Variants in DMBX1 observed in about 807,000 individuals in gnomAD.
DMBX1 encodes the protein diencephalon/mesencephalon homeobox protein 1.
In DMBX1, 7 loss-of-function variants were observed where a neutral mutation model predicts 30.4. The observed-to-expected ratio is 0.23, with a 90% CI of 0.13 to 0.43. The LOEUF is 0.43. Ranked by LOEUF, DMBX1 falls within the 20% of genes least tolerant of loss-of-function variation. The pLI, the probability that DMBX1 is intolerant of heterozygous loss-of-function variation, is 1.00. For synonymous variants in DMBX1, 222 were observed against 214.2 expected, an observed-to-expected ratio of 1.04 and a Z score of -0.32; for missense variants, 460 against 508.5, an observed-to-expected ratio of 0.90 and a Z score of 0.92.
chr1:46,496,256 G>T (rs1267759186), intron 2 of DMBX1, among the ~76,000 whole-genome samples: 1 of 152,188 alleles, frequency 6.6e-6, no homozygotes, highest in Non-Finnish European at 1.5e-5. Flanking sequence ...TGTCAAGCTT[G>T]CTCTCAAACT....
At chr1:46,507,445 A>C (rs1666262980) in intron 3 of DMBX1, among the ~76,000 whole-genome samples, 1 of 152,232 alleles carries the variant, frequency 6.6e-6, no homozygotes, top group Non-Finnish European at 1.5e-5. Flanking sequence ...CCTATCTCAC[A>C]GATGAAGAAA....
chr1:46,499,999 T>C (rs1370970464), intron 2 of DMBX1, among the ~76,000 whole-genome samples: 2 of 152,236 alleles, frequency 1.3e-5, no homozygotes, highest in Non-Finnish European at 2.9e-5. Flanking sequence ...CAGAGGCGAC[T>C]TGGGGAAGGC....
chr1:46,514,212 CAA>C lies in DMBX1; in HGVS notation c.*1733_*1734del, dbSNP rs35003663. 11 of 96,608 alleles carry C rather than the reference CAA, an allele frequency of 1.1e-4. No homozygotes were observed. Among genetic ancestry groups the C allele is most frequent in the South Asian group, 2.8e-4 (1 of 3,568 alleles). 6.0% of individuals were successfully genotyped at this position (96,608 alleles called of 1,614,324 possible). On this transcript the variant is annotated 3_prime_UTR_variant, in exon 6 of 6. Transcript: ENST00000360032. Reference sequence around the variant, plus strand: ...TGGGCGACGGAGTGAGACTCCATCTCAAAAAAAAAAAAAAAATAAATAAAAGC... The same window carrying C: ...TGGGCGACGGAGTGAGACTCCATCTCAAAAAAAAAAAAAATAAATAAAAGC...
intron 3 of DMBX1, among the ~76,000 whole-genome samples, chr1:46,509,245 T>C (rs191980377): frequency 1.6e-4 from 24 of 152,248 alleles, no homozygotes; most frequent in Admixed American, 1.5e-3. Flanking sequence ...GCTAATTTTT[T>C]GTATTTTTAG....
At chr1:46,501,423 G>A (rs569368352) in intron 2 of DMBX1, among the ~76,000 whole-genome samples, 11 of 151,856 alleles carry the variant, frequency 7.2e-5, no homozygotes, top group Admixed American at 6.6e-4. Context: ...TGGGATTACA[G>A]GTGTGGGTCA....
At chr1:46,502,442 C>A (rs530353873) in intron 2 of DMBX1, among the ~76,000 whole-genome samples, 1 of 152,006 alleles carries the variant, frequency 6.6e-6, no homozygotes, top group East Asian at 1.9e-4. Context: ...ATACCAGAAT[C>A]TGACCATTTT....
At chr1:46,501,339 G>A (rs1205952307) in intron 2 of DMBX1, among the ~76,000 whole-genome samples, 1 of 149,604 alleles carries the variant, frequency 6.7e-6, no homozygotes, top group African/African-American at 2.5e-5. Flanking sequence ...GGAGTGCAGT[G>A]ACATGATCTC....
chr1:46,492,722 TAG>T (rs34480370), intron 2 of DMBX1, among the ~76,000 whole-genome samples: 25,833 of 151,994 alleles, frequency 0.17, 2,535 homozygotes, highest in South Asian at 0.27. Context: ...ACTCCTGGGT[TAG>T]AGTCACCTGG....
At chr1:46,503,073 C>A (rs1440665556) in intron 2 of DMBX1, among the ~76,000 whole-genome samples, 1 of 152,224 alleles carries the variant, frequency 6.6e-6, no homozygotes, top group African/African-American at 2.4e-5. Flanking sequence ...AACCTTACCT[C>A]CTTCACCTGC....
intron 2 of DMBX1, among the ~76,000 whole-genome samples, chr1:46,495,006 G>A (rs769305966): frequency 3.4e-4 from 52 of 152,194 alleles, no homozygotes; most frequent in Non-Finnish European, 7.2e-4. Context: ...TCTGTGACAA[G>A]GTCAGGGTCA....
chr1:46,494,087 G>T (rs532910234), intron 2 of DMBX1, among the ~76,000 whole-genome samples: 152 of 152,320 alleles, frequency 1.0e-3, no homozygotes, highest in African/African-American at 3.6e-3. Context: ...AAGTCTCCTC[G>T]ATCTCCAGTG....
rs764711059 is a variant in DMBX1, at chr1:46,511,192, C to A, written c.591C>A (p.Asp197Glu). 1.2e-6 allele frequency: 2 copies of A among 1,613,612 alleles called. No individual in the cohort carries two copies. The highest frequency in any genetic ancestry group is 1.7e-6 in the Non-Finnish European group (2 of 1,179,956). Reference sequence around the variant, plus strand: ...AGGATCAGCCGGACCGTGAGGAGGACCCCAGGGCAGGGGCTGAGGACCCCA... The same window carrying A: ...AGGATCAGCCGGACCGTGAGGAGGAACCCAGGGCAGGGGCTGAGGACCCCA... Reference protein sequence around the residue: ...APEDQPDREEDPRAGAEDPKA... With the variant: ...APEDQPDREEEPRAGAEDPKA... The change falls in exon 5 of 6, where the codon GAC becomes GAA. Residue 197 changes from aspartate (D) to glutamate (E), a missense_variant. Asp to Glu is a conservative substitution (Grantham distance 45). Transcript: ENST00000360032.
At chr1:46,499,530 T>A (rs1444031188) in intron 2 of DMBX1, among the ~76,000 whole-genome samples, 2 of 152,254 alleles carry the variant, frequency 1.3e-5, no homozygotes, top group East Asian at 3.8e-4. Flanking sequence ...TTATCCAATC[T>A]TTCTTGCCTT....
At position 46,515,982 on chromosome 1, in the gene DMBX1, C is replaced by T. The variant is rs930963792; in HGVS notation, c.*3488C>T. Among the ~76,000 whole-genome samples the T allele has an allele frequency of 7.9e-5, 12 of 152,202 alleles. No homozygotes were observed. The highest frequency in any genetic ancestry group is 6.5e-5 in the Admixed American group (1 of 15,288). Reference sequence around the variant, plus strand: ...GCTTTCCAAACCAGCTGTTTTGTGACCATTTGTGCTTAGAGGTCGTGCCAG... The same window carrying T: ...GCTTTCCAAACCAGCTGTTTTGTGATCATTTGTGCTTAGAGGTCGTGCCAG... On this transcript the variant is annotated 3_prime_UTR_variant, in exon 6 of 6. Coordinates refer to ENST00000360032, the MANE Select transcript of DMBX1 (RefSeq NM_172225.2).
intron 2 of DMBX1, among the ~76,000 whole-genome samples, chr1:46,495,409 C>A (rs2148481567): frequency 6.6e-6 from 1 of 152,314 alleles, no homozygotes; most frequent in South Asian, 2.1e-4. Context: ...TCGATTCCAT[C>A]CCGGCTAAGC....
At chr1:46,505,055 A>T (rs1666205332) in intron 2 of DMBX1, among the ~76,000 whole-genome samples, 2 of 151,342 alleles carry the variant, frequency 1.3e-5, no homozygotes, top group East Asian at 3.9e-4. Flanking sequence ...ATGAGATACC[A>T]TCTCACACCA....
At position 46,495,308 on chromosome 1, in the gene DMBX1, C is replaced by T. The variant is rs567081008; in HGVS notation, c.-13+4525C>T. Among the ~76,000 whole-genome samples, 12 of 152,288 alleles carry T rather than the reference C, an allele frequency of 7.9e-5. No homozygotes were observed. The South Asian group carries it at 2.5e-3, about 32-fold the overall frequency. ...ATGTCCCTTGCTCTGGGCACTGGGT[C>T]CTGAGTACTAGCTGGGGAAGCAGAC... On this transcript the variant is annotated intron_variant, in intron 2 of 5. Transcript: ENST00000360032.
At chr1:46,492,759 A>G (rs1665953246) in intron 2 of DMBX1, among the ~76,000 whole-genome samples, 1 of 152,128 alleles carries the variant, frequency 6.6e-6, no homozygotes, top group South Asian at 2.1e-4. Flanking sequence ...ACTCAGACAC[A>G]CTTTGAGAAG....
intron 2 of DMBX1, among the ~76,000 whole-genome samples, chr1:46,499,097 C>T (rs566027835): frequency 1.3e-4 from 20 of 151,406 alleles, no homozygotes; most frequent in Admixed American, 8.5e-4. Flanking sequence ...GCTGCAGTGG[C>T]GCGATCTCTG....
Sources: gnomAD v4.1 joint callset for allele counts (sites outside exome capture counted in the v4.1 genomes callset) on GRCh38, gnomAD v4.1.1 for gene constraint, MANE v1.5 for transcripts, NCBI Gene and HGNC (gene_info 2026-07-23, HGNC 2026-07-21) for gene names.